The following KAT6A variants were observed in gnomAD, a reference collection of about 807,000 sequenced individuals.
KAT6A encodes lysine acetyltransferase 6A.
Under a neutral mutation model 198.4 loss-of-function variants are expected in KAT6A, and 9 were observed. The observed-to-expected ratio is 0.05, with a 90% CI of 0.03 to 0.08. KAT6A has a LOEUF of 0.08. Among genes scored for constraint, KAT6A ranks in the 10% least tolerant of loss-of-function variants. The pLI is 1.00. For synonymous variants in KAT6A, 890 were observed against 883.0 expected (o/e 1.01, Z -0.14); for missense variants, 2,077 against 2,509.9 (o/e 0.83, Z 3.69).
chr8:42,009,847 C>A lies in KAT6A; in HGVS notation c.601-22284G>T, dbSNP rs1825925888. Among the ~76,000 whole-genome samples the A allele has an allele frequency of 2.8e-5, 4 of 141,738 alleles. No homozygotes were observed. In the South Asian group the frequency reaches 8.9e-4, roughly 32 times the overall value. The allele number at this position is 141,738 out of a possible 152,430, so 93.0% of individuals were successfully genotyped here. A position where few individuals can be genotyped will look rare whatever the true frequency, so the allele number is the denominator to read the frequency against. ...CCCAGAAAACAGAGGCTACAGTGAG[C>A]CATGATCACAGCACCTACAGCCTGG... On this transcript the variant is annotated intron_variant, in intron 2 of 16. Coordinates refer to ENST00000265713, the MANE Select transcript of KAT6A (RefSeq NM_006766.5).
intron 5 of KAT6A, among the ~76,000 whole-genome samples, chr8:41,980,394 A>G (rs762031899): frequency 1.3e-5 from 2 of 152,198 alleles, no homozygotes; most frequent in Non-Finnish European, 1.5e-5. Flanking sequence ...TTTATTTCAT[A>G]AAGTATTTCA....
intron 2 of KAT6A, among the ~76,000 whole-genome samples, chr8:41,992,111 G>A (rs1007850973): frequency 6.6e-6 from 1 of 151,972 alleles, no homozygotes; most frequent in African/African-American, 2.4e-5. Context: ...TGAGGTGGGA[G>A]GATCGCTTGA....
intron 2 of KAT6A, among the ~76,000 whole-genome samples, chr8:42,022,272 G>A (rs535074960): frequency 8.6e-4 from 131 of 152,058 alleles, no homozygotes; most frequent in Non-Finnish European, 1.4e-3. Flanking sequence ...AATACTGTAC[G>A]TAAAAAGTTA....
intron 3 of KAT6A, among the ~76,000 whole-genome samples, chr8:41,985,923 G>T (rs1039671946): frequency 1.3e-5 from 2 of 151,816 alleles, no homozygotes; most frequent in Admixed American, 6.6e-5. Flanking sequence ...GTAAGGTCTT[G>T]TAAGTTTTTT....
chr8:41,959,989 T>G (rs973301550), intron 8 of KAT6A, among the ~76,000 whole-genome samples: 4 of 151,508 alleles, frequency 2.6e-5, no homozygotes, highest in Non-Finnish European at 5.9e-5. Flanking sequence ...AGGAAGGCAA[T>G]TCTGACACAG....
At position 41,940,920 on chromosome 8, in the gene KAT6A, G is replaced by A. The variant is rs1207200869; in HGVS notation, c.2961C>T (p.Ser987=). Residue 987 remains serine (S), a synonymous_variant, in exon 15 of 17, where the codon AGC becomes AGT. Coordinates refer to ENST00000265713, the MANE Select transcript of KAT6A (RefSeq NM_006766.5). ...TTTCCGGCTCCTCCTCCTCCTCGCTGCTCTCACTGAAGCCCCTGAGGACAG... is the reference window on the plus strand; with the variant it reads ...TTTCCGGCTCCTCCTCCTCCTCGCTACTCTCACTGAAGCCCCTGAGGACAG... ...DRAVLRGFSE[S]SEEEEEPESP... is the part of the protein sequence containing the mutation. 6.2e-7 allele frequency: 1 copy of A among 1,614,186 alleles called. No homozygotes were observed. The highest frequency in any genetic ancestry group is 8.5e-7 in the Non-Finnish European group (1 of 1,180,034).
intron 2 of KAT6A, among the ~76,000 whole-genome samples, chr8:42,000,224 A>G (rs1210104634): frequency 6.6e-6 from 1 of 152,230 alleles, no homozygotes; most frequent in Non-Finnish European, 1.5e-5. Context: ...TAAGAGCATT[A>G]GCAAAAGAAT....
chr8:41,990,989 C>T lies in KAT6A; in HGVS notation c.601-3426G>A, dbSNP rs556974410. On this transcript the variant is annotated intron_variant, in intron 2 of 16. Transcript: ENST00000265713. ...CAGCCTGGGTGACAGGGCGAGACTC[C>T]GTCTCAAAAAAAAAAAAAAAAAAAA... Among the ~76,000 whole-genome samples the T allele has an allele frequency of 2.2e-4, 19 of 87,066 alleles. 1 individual carries two copies. Among genetic ancestry groups the T allele is most frequent in the African/African-American group, 1.1e-3 (18 of 15,758 alleles). The allele number at this position is 87,066 out of a possible 152,430, so 57.1% of individuals were successfully genotyped here.
intron 3 of KAT6A, among the ~76,000 whole-genome samples, 185 bp from the exon 4 acceptor site, chr8:41,982,139 T>C (rs1243899912): frequency 1.3e-5 from 2 of 152,150 alleles, no homozygotes; most frequent in Non-Finnish European, 2.9e-5. Context: ...TTCAGTTTTA[T>C]TAATGTTAAA....
chr8:42,044,680 C>T (rs1827824586), intron 2 of KAT6A, among the ~76,000 whole-genome samples: 1 of 152,168 alleles, frequency 6.6e-6, no homozygotes, highest in South Asian at 2.1e-4. Context: ...TGAATTTCAT[C>T]TTCACCTTAC....
intron 8 of KAT6A, among the ~76,000 whole-genome samples, chr8:41,971,085 AG>A (rs1470244384): frequency 6.8e-6 from 1 of 146,572 alleles, no homozygotes; most frequent in Non-Finnish European, 1.5e-5. Flanking sequence ...GGGTGGGAGG[AG>A]GGGGGAGGGA....
In KAT6A at chr8:42,015,200, T is replaced by C. The variant is rs575729858; in HGVS notation, c.601-27637A>G. 2.9e-4 allele frequency among the ~76,000 whole-genome samples: 44 copies of C among 152,318 alleles called. No individual in the cohort carries two copies. The East Asian group carries it at 7.3e-3, about 25-fold the overall frequency. On this transcript the variant is annotated intron_variant, in intron 2 of 16. Transcript: ENST00000265713. ...TATGTCCAATGTGGTCTCATGCCCC[T>C]TCTGTGCTAAAAAGAATCCGGACTA...
chr8:42,019,723 C>G (rs1487176424), intron 2 of KAT6A, among the ~76,000 whole-genome samples: 1 of 152,080 alleles, frequency 6.6e-6, no homozygotes, highest in Non-Finnish European at 1.5e-5. Context: ...ACACAGTTTT[C>G]AATATTGTCC....
chr8:42,050,714 G>A (rs1019828888), intron 1 of KAT6A, among the ~76,000 whole-genome samples: 25 of 152,142 alleles, frequency 1.6e-4, no homozygotes, highest in Admixed American at 1.6e-3. Context: ...CAGATATTAA[G>A]TCTAAACTAA....
At chr8:41,976,871 T>A in intron 7 of KAT6A, 137 bp downstream of exon 7, 1 of 730,570 alleles carries the variant, frequency 1.4e-6, no homozygotes, top group Non-Finnish European at 2.1e-6. Flanking sequence ...ATCATCTACA[T>A]GTTTTTTCAA....
At chr8:42,050,541 G>T (rs1339781606) in intron 1 of KAT6A, among the ~76,000 whole-genome samples, 1 of 152,142 alleles carries the variant, frequency 6.6e-6, no homozygotes, top group Non-Finnish European at 1.5e-5. Context: ...TATTAACTCT[G>T]ATAGGAAAGA....
chr8:41,934,586 C>T lies in KAT6A; in HGVS notation c.3634G>A (p.Glu1212Lys), dbSNP rs772850653. ...GGTAGGGGCATGTCTTCTTTTGGCT[C>T]AACAGTTTCTTCACTCTCCTGGATC... ...PKIQESEETVEPKEDMPLPEE... is the reference protein window; with the variant it reads ...PKIQESEETVKPKEDMPLPEE... Residue 1212 changes from glutamate (E) to lysine (K), a missense_variant, in exon 17 of 17, where the codon GAG becomes AAG. Coordinates refer to ENST00000265713, the MANE Select transcript of KAT6A (RefSeq NM_006766.5). 20 of 1,614,082 alleles carry T rather than the reference C, an allele frequency of 1.2e-5. No homozygotes were observed. Among genetic ancestry groups the T allele is most frequent in the Middle Eastern group, 1.7e-4 (1 of 6,060 alleles).
intron 15 of KAT6A, among the ~76,000 whole-genome samples, chr8:41,938,902 C>A (rs1821971154): frequency 7.1e-6 from 1 of 140,484 alleles, no homozygotes; most frequent in Non-Finnish European, 1.5e-5. Context: ...GAGCTGAGAT[C>A]ATGCCGCTGC....
At chr8:41,942,565 C>T in intron 14 of KAT6A, 1 of 526,466 alleles carries the variant, frequency 1.9e-6, no homozygotes, top group Non-Finnish European at 3.3e-6. Context: ...TCACAAGTAA[C>T]ACATTATAAG....
Sources: allele counts gnomAD v4.1 joint callset (sites outside exome capture counted in the v4.1 genomes callset), GRCh38; gene constraint gnomAD v4.1.1; transcripts MANE v1.5; gene names NCBI Gene and HGNC (gene_info 2026-07-23, HGNC 2026-07-21).